The following SERPINB5 variants were observed in gnomAD, a reference collection of about 807,000 sequenced individuals.
The protein encoded by SERPINB5 is serpin family B member 5, also known as serpin B5.
In SERPINB5, 27 loss-of-function variants were observed where a neutral mutation model predicts 32.2. That is an observed-to-expected ratio of 0.84 (90% CI 0.62 to 1.16). The LOEUF is 1.16. Ranked by LOEUF, SERPINB5 falls within the 50% of genes most tolerant of loss-of-function variation. The probability of loss-of-function intolerance (pLI) is 0.00; values close to 1 mark genes in which losing one functional copy is unlikely to be tolerated. For synonymous variants in SERPINB5, 154 were observed against 157.4 expected, an observed-to-expected ratio of 0.98 and a Z score of 0.16; for missense variants, 388 against 436.3, an observed-to-expected ratio of 0.89 and a Z score of 0.99.
intron 4 of SERPINB5, among the ~76,000 whole-genome samples, chr18:63,492,223 G>T (rs1909356573): frequency 6.6e-6 from 1 of 152,230 alleles, no homozygotes; most frequent in Non-Finnish European, 1.5e-5. Flanking sequence ...AACTGCAATT[G>T]TGATTGAGCC....
intron 5 of SERPINB5, chr18:63,496,998 A>T: frequency 1.9e-6 from 1 of 520,024 alleles, no homozygotes; most frequent in Admixed American, 2.0e-5. Flanking sequence ...AATGCAGCCC[A>T]CCGGGGCATT....
At chr18:63,478,762 T>G (rs1917077322) in intron 1 of SERPINB5, among the ~76,000 whole-genome samples, 1 of 150,790 alleles carries the variant, frequency 6.6e-6, no homozygotes, top group African/African-American at 2.4e-5. Context: ...AACGTAGTTT[T>G]TTTTTTTTTT....
intron 1 of SERPINB5, among the ~76,000 whole-genome samples, chr18:63,479,665 AT>A (rs1917095042): frequency 6.6e-6 from 1 of 152,130 alleles, no homozygotes; most frequent in African/African-American, 2.4e-5. Flanking sequence ...TAAAACAGTC[AT>A]CATACCACTA....
chr18:63,496,587 C>T lies in SERPINB5; in HGVS notation c.568-2533C>T, dbSNP rs996824139. The stretch of plus-strand genomic sequence containing the variant: ...GTATATACAAAAGTAAAATAAATAA[C>T]GTTTAGCTCTGCTGGAGAGAGGTAT... On this transcript the variant is annotated intron_variant, in intron 5 of 6. Coordinates refer to ENST00000382771, the MANE Select transcript of SERPINB5 (RefSeq NM_002639.5). Among the ~76,000 whole-genome samples the T allele has an allele frequency of 9.1e-4, 139 of 152,194 alleles. 1 individual carries two copies. Among genetic ancestry groups the T allele is most frequent in the Non-Finnish European group, 3.8e-4 (26 of 68,006 alleles).
chr18:63,495,778 T>C (rs1909434240), intron 5 of SERPINB5, among the ~76,000 whole-genome samples: 1 of 152,196 alleles, frequency 6.6e-6, no homozygotes, highest in South Asian at 2.1e-4. Context: ...TTAATAAAAG[T>C]TTGAAATGTC....
chr18:63,483,146 C>T (rs1451125280), intron 1 of SERPINB5, among the ~76,000 whole-genome samples: 1 of 152,208 alleles, frequency 6.6e-6, no homozygotes, highest in Non-Finnish European at 1.5e-5. Flanking sequence ...TGAGATGTGA[C>T]AAGATGCCTA....
intron 1 of SERPINB5, among the ~76,000 whole-genome samples, chr18:63,481,953 G>C (rs1424552752): frequency 6.6e-6 from 1 of 152,184 alleles, no homozygotes; most frequent in Non-Finnish European, 1.5e-5. Context: ...ACTTCAGGGG[G>C]CCTCGTGGTA....
At chr18:63,480,410 G>A (rs556781274) in intron 1 of SERPINB5, among the ~76,000 whole-genome samples, 1 of 152,288 alleles carries the variant, frequency 6.6e-6, no homozygotes, top group South Asian at 2.1e-4. Context: ...TCACAGAAAT[G>A]GAAGAAGACC....
chr18:63,491,499 G>C (rs149658696), intron 4 of SERPINB5, among the ~76,000 whole-genome samples: 69 of 145,468 alleles, frequency 4.7e-4, no homozygotes, highest in African/African-American at 1.5e-3. Flanking sequence ...TTTTGAGATA[G>C]AATGTTGCTC....
rs1909490226 is a variant in SERPINB5, at chr18:63,498,194, A to G, written c.568-926A>G. 6.6e-6 allele frequency among the ~76,000 whole-genome samples: 1 copy of G among 152,068 alleles called. No individual in the cohort carries two copies. The highest frequency in any genetic ancestry group is 1.5e-5 in the Non-Finnish European group (1 of 68,014). ...AACTTCTGGCTCCCAGGCTCAAGCA[A>G]TTCTCCTCCCTCAGTTTCCCAAGAA... On this transcript the variant is annotated intron_variant, in intron 5 of 6. Coordinates refer to ENST00000382771, the MANE Select transcript of SERPINB5 (RefSeq NM_002639.5). The surrounding 1 kb of genome is among the most constrained non-coding windows in gnomAD (Gnocchi z 4.2).
chr18:63,479,434 C>T (rs1917090552), intron 1 of SERPINB5, among the ~76,000 whole-genome samples: 1 of 152,166 alleles, frequency 6.6e-6, no homozygotes, highest in Non-Finnish European at 1.5e-5. Flanking sequence ...TACCCCCAGC[C>T]CAGTACATGC....
At chr18:63,482,096 C>T (rs1917135501) in intron 1 of SERPINB5, among the ~76,000 whole-genome samples, 1 of 152,194 alleles carries the variant, frequency 6.6e-6, no homozygotes, top group Admixed American at 6.5e-5. Context: ...AATGAACTCG[C>T]TTTTTCAGAC....
intron 5 of SERPINB5, chr18:63,497,358 C>T (rs1249101781): frequency 3.1e-6 from 4 of 1,307,468 alleles, no homozygotes. Flanking sequence ...CCATGGGGCT[C>T]TTCTGTTTGA....
chr18:63,477,739 T>G (rs1463366660), intron 1 of SERPINB5, among the ~76,000 whole-genome samples: 1 of 152,232 alleles, frequency 6.6e-6, no homozygotes, highest in East Asian at 1.9e-4. Flanking sequence ...TGCTGTACAC[T>G]TTTTCTTATG....
intron 5 of SERPINB5, among the ~76,000 whole-genome samples, chr18:63,494,850 T>C (rs1599392123): frequency 6.6e-6 from 1 of 152,300 alleles, no homozygotes; most frequent in Middle Eastern, 3.4e-3. Context: ...AATGCCTTAT[T>C]CACCTCAGTG....
intron 5 of SERPINB5, 65 bp downstream of exon 5, chr18:63,493,160 G>C: frequency 3.1e-6 from 5 of 1,603,836 alleles, no homozygotes; most frequent in Non-Finnish European, 4.3e-6. Context: ...GATAGGGACA[G>C]AGTGGGGCAT....
chr18:63,494,603 T>C (rs992120246), intron 5 of SERPINB5, among the ~76,000 whole-genome samples: 2 of 152,194 alleles, frequency 1.3e-5, no homozygotes, highest in African/African-American at 2.4e-5. Context: ...ATCAATATCT[T>C]GTTTTTGCCA....
At position 63,494,119 on chromosome 18, in the gene SERPINB5, T is replaced by G. The variant is rs745911226; in HGVS notation, c.567+1024T>G. ...CAGGCAGATCACGAGGTCAGGAGTT[T>G]GAGACCAGCCTGACCAACATAGTAA... On this transcript the variant is annotated intron_variant, in intron 5 of 6. Coordinates refer to ENST00000382771, the MANE Select transcript of SERPINB5 (RefSeq NM_002639.5). Among the ~76,000 whole-genome samples the G allele has an allele frequency of 6.0e-5, 9 of 151,058 alleles. No homozygotes were observed. In the South Asian group the frequency reaches 6.3e-4, roughly 11 times the overall value.
At chr18:63,482,517 C>T (rs1025122495) in intron 1 of SERPINB5, among the ~76,000 whole-genome samples, 4 of 152,160 alleles carry the variant, frequency 2.6e-5, no homozygotes, top group African/African-American at 7.2e-5. Context: ...AACATGCTGT[C>T]CTGGCTTAGG....
Sources: gnomAD v4.1 joint callset for allele counts (sites outside exome capture counted in the v4.1 genomes callset) on GRCh38, gnomAD v4.1.1 for gene constraint, Gnocchi (gnomAD v3.1) non-coding constraint, MANE v1.5 for transcripts, NCBI Gene and HGNC (gene_info 2026-07-23, HGNC 2026-07-21) for gene names.